FHOD3: variants seen among roughly 807,000 people sequenced by gnomAD.
The protein encoded by FHOD3 is FH1/FH2 domain-containing protein 3.
FHOD3 carries 90 observed loss-of-function variants against 173.0 expected under a neutral mutation model. That is an observed-to-expected ratio of 0.52 (90% CI 0.44 to 0.62). The LOEUF (loss-of-function observed/expected upper bound fraction) is 0.62, where lower values mean the gene tolerates loss of function less well. FHOD3 is among the 20% of genes least tolerant of loss of function. FHOD3 has a pLI of 0.00. For missense variants in FHOD3, 1,945 were observed against 2,034.7 expected, an observed-to-expected ratio of 0.96 and a Z score of 0.85; for synonymous variants, 828 against 823.0, an observed-to-expected ratio of 1.01 and a Z score of -0.10.
intron 17 of FHOD3, among the ~76,000 whole-genome samples, chr18:36,695,835 T>C (rs2039251739): frequency 6.6e-6 from 1 of 152,210 alleles, no homozygotes; most frequent in Admixed American, 6.5e-5. Flanking sequence ...ATCCAATTAA[T>C]AGTATATTCT....
intron 17 of FHOD3, among the ~76,000 whole-genome samples, chr18:36,703,417 C>G (rs2039694831): frequency 6.6e-6 from 1 of 152,176 alleles, no homozygotes; most frequent in Admixed American, 6.5e-5. Flanking sequence ...CAGAGAGTAG[C>G]CAGCCTACTG....
intron 3 of FHOD3, among the ~76,000 whole-genome samples, chr18:36,470,075 T>C (rs1358327532): frequency 6.6e-6 from 1 of 152,134 alleles, no homozygotes; most frequent in African/African-American, 2.4e-5. Flanking sequence ...GAATTCCAGA[T>C]GGTAGGAGAG....
chr18:36,445,043 A>G (rs1231110533), intron 3 of FHOD3, among the ~76,000 whole-genome samples: 1 of 152,226 alleles, frequency 6.6e-6, no homozygotes, highest in Non-Finnish European at 1.5e-5. Flanking sequence ...GTAGTAAGGT[A>G]ATCTGAAGAA....
chr18:36,344,727 CTT>C (rs1311039257), intron 1 of FHOD3, among the ~76,000 whole-genome samples: 1 of 152,018 alleles, frequency 6.6e-6, no homozygotes, highest in African/African-American at 2.4e-5. Flanking sequence ...AATTAACAGT[CTT>C]TGATATATTT....
At chr18:36,446,574 G>A (rs776481061) in intron 3 of FHOD3, among the ~76,000 whole-genome samples, 1 of 152,148 alleles carries the variant, frequency 6.6e-6, no homozygotes, top group Admixed American at 6.5e-5. Flanking sequence ...GTCAGTAAGG[G>A]TCTGCAAGTA....
chr18:36,510,421 G>A (rs1469399895), intron 4 of FHOD3, among the ~76,000 whole-genome samples: 3 of 152,106 alleles, frequency 2.0e-5, no homozygotes, highest in Non-Finnish European at 4.4e-5. Context: ...ATCTACATAT[G>A]TGCATAAATT....
chr18:36,477,689 A>C (rs114498011), intron 3 of FHOD3, among the ~76,000 whole-genome samples: 1 of 152,208 alleles, frequency 6.6e-6, no homozygotes. Flanking sequence ...AGGACTAGGT[A>C]CTGTACCAGG....
At chr18:36,665,807 G>T (rs1457311202) in intron 14 of FHOD3, among the ~76,000 whole-genome samples, 1 of 152,166 alleles carries the variant, frequency 6.6e-6, no homozygotes, top group Admixed American at 6.5e-5. Flanking sequence ...CAAGGCCTGG[G>T]AGCCACGTAA....
intron 14 of FHOD3, among the ~76,000 whole-genome samples, chr18:36,663,709 C>G (rs1431474095): frequency 6.6e-6 from 1 of 152,226 alleles, no homozygotes; most frequent in African/African-American, 2.4e-5. Flanking sequence ...AGACTTCTCC[C>G]TCAGAATTCA....
At chr18:36,368,057 C>T (rs2046990049) in intron 2 of FHOD3, among the ~76,000 whole-genome samples, 1 of 152,138 alleles carries the variant, frequency 6.6e-6, no homozygotes, top group Non-Finnish European at 1.5e-5. Context: ...ATTAGCCAGT[C>T]TCAGGCAGTT....
intron 5 of FHOD3, among the ~76,000 whole-genome samples, chr18:36,575,821 A>T (rs1207589180): frequency 1.3e-5 from 2 of 152,238 alleles, no homozygotes; most frequent in Non-Finnish European, 2.9e-5. Context: ...ATGATGGTAT[A>T]TGGTGACTAT....
chr18:36,638,974 T>C (rs1313977184), intron 10 of FHOD3, among the ~76,000 whole-genome samples: 1 of 152,214 alleles, frequency 6.6e-6, no homozygotes, highest in Non-Finnish European at 1.5e-5. Context: ...CTGGATTTTT[T>C]AGTTATAACA....
chr18:36,310,367 G>C (rs2092223291), intron 1 of FHOD3, among the ~76,000 whole-genome samples: 1 of 152,278 alleles, frequency 6.6e-6, no homozygotes. Context: ...GTCAAAGTGT[G>C]ACATAGGCCT....
At chr18:36,553,835 C>A (rs2147419605) in intron 5 of FHOD3, among the ~76,000 whole-genome samples, 1 of 152,244 alleles carries the variant, frequency 6.6e-6, no homozygotes, top group East Asian at 1.9e-4. Flanking sequence ...AGGATATGAA[C>A]AGACACTTCT....
At chr18:36,406,354 T>TAA (rs2049065167) in intron 3 of FHOD3, among the ~76,000 whole-genome samples, 1 of 152,246 alleles carries the variant, frequency 6.6e-6, no homozygotes, top group Non-Finnish European at 1.5e-5. Flanking sequence ...TTATTACTCT[T>TAA]ACGTTTTTGA....
intron 3 of FHOD3, among the ~76,000 whole-genome samples, chr18:36,402,325 A>G (rs906853469): frequency 1.3e-5 from 2 of 152,076 alleles, no homozygotes; most frequent in Non-Finnish European, 2.9e-5. Context: ...ACAGCAAAGA[A>G]CCTGAGTGCT....
chr18:36,635,466 C>T (rs1354564121), intron 10 of FHOD3, among the ~76,000 whole-genome samples: 1 of 152,182 alleles, frequency 6.6e-6, no homozygotes, highest in Non-Finnish European at 1.5e-5. Context: ...GGAGAGCAGG[C>T]TGCACAAAGA....
intron 1 of FHOD3, among the ~76,000 whole-genome samples, chr18:36,305,933 A>G (rs554361189): frequency 3.3e-5 from 5 of 152,338 alleles, no homozygotes; most frequent in African/African-American, 7.2e-5. Flanking sequence ...CCCAGAGTCA[A>G]TGAAAATGAG....
intron 3 of FHOD3, among the ~76,000 whole-genome samples, chr18:36,458,116 G>C (rs543251016): frequency 1.3e-5 from 2 of 152,114 alleles, no homozygotes; most frequent in South Asian, 2.1e-4. Context: ...TATCAGAAAG[G>C]GTTCTGGATT....
Sources: allele counts gnomAD v4.1 joint callset (sites outside exome capture counted in the v4.1 genomes callset), GRCh38; gene constraint gnomAD v4.1.1; transcripts MANE v1.5; gene names NCBI Gene and HGNC (gene_info 2026-07-23, HGNC 2026-07-21).